Variants in KCNIP4 observed in about 807,000 individuals in gnomAD.
The protein encoded by KCNIP4 is Kv channel-interacting protein 4.
Under a neutral mutation model 34.0 loss-of-function variants are expected in KCNIP4, and 12 were observed. That is an observed-to-expected ratio of 0.35 (90% confidence interval 0.23 to 0.57). The LOEUF (loss-of-function observed/expected upper bound fraction) is 0.57. Among genes scored for constraint, KCNIP4 ranks in the 20% least tolerant of loss-of-function variants. The pLI is 0.83. For synonymous variants in KCNIP4, 124 were observed against 102.2 expected (o/e 1.21, Z -1.29); for missense variants, 238 against 311.7 (o/e 0.76, Z 1.78).
intron 1 of KCNIP4, among the ~76,000 whole-genome samples, chr4:21,545,150 T>C (rs1738030816): frequency 6.6e-6 from 1 of 152,114 alleles, no homozygotes. Context: ...ATTAGCATGT[T>C]AAAAGACACT....
intron 1 of KCNIP4, among the ~76,000 whole-genome samples, chr4:21,877,243 C>T (rs922000764): frequency 2.0e-5 from 3 of 151,992 alleles, no homozygotes; most frequent in Admixed American, 2.0e-4. Context: ...ATCAGAGCTA[C>T]TTGGGAGGCT....
intron 1 of KCNIP4, among the ~76,000 whole-genome samples, chr4:21,420,530 A>G (rs1232014199): frequency 1.3e-5 from 2 of 152,222 alleles, no homozygotes; most frequent in Non-Finnish European, 2.9e-5. Context: ...TCAACATTGC[A>G]TAGATCTTCC....
At chr4:20,806,028 A>G (rs1039775863) in intron 3 of KCNIP4, among the ~76,000 whole-genome samples, 3 of 152,084 alleles carry the variant, frequency 2.0e-5, no homozygotes, top group Non-Finnish European at 4.4e-5. Flanking sequence ...CTATTTCTGA[A>G]TTATGTTTTT....
chr4:20,819,775 C>T (rs1289055530), intron 3 of KCNIP4, among the ~76,000 whole-genome samples: 1 of 152,192 alleles, frequency 6.6e-6, no homozygotes, highest in Non-Finnish European at 1.5e-5. Context: ...CTCTTCCACC[C>T]CTTCTACCAT....
At chr4:21,843,082 T>C (rs1328243573) in intron 1 of KCNIP4, among the ~76,000 whole-genome samples, 2 of 152,112 alleles carry the variant, frequency 1.3e-5, no homozygotes, top group East Asian at 1.9e-4. Flanking sequence ...TCAAATTCTC[T>C]TAAAGAAGGG....
chr4:21,643,393 A>G (rs1223877270), intron 1 of KCNIP4, among the ~76,000 whole-genome samples: 1 of 152,150 alleles, frequency 6.6e-6, no homozygotes, highest in Non-Finnish European at 1.5e-5. Flanking sequence ...AGTATTAATC[A>G]TGTTAAGCAA....
At chr4:20,897,056 A>G (rs1249548020) in intron 1 of KCNIP4, among the ~76,000 whole-genome samples, 1 of 152,128 alleles carries the variant, frequency 6.6e-6, no homozygotes, top group Non-Finnish European at 1.5e-5. Context: ...TACTGCTAGT[A>G]TTAGGTAAAT....
intron 1 of KCNIP4, among the ~76,000 whole-genome samples, chr4:21,718,076 A>G (rs1714524665): frequency 6.6e-6 from 1 of 152,268 alleles, no homozygotes; most frequent in Non-Finnish European, 1.5e-5. Flanking sequence ...ATAAGCATGC[A>G]AACTTTATAA....
chr4:20,755,676 T>TGTTTAAGGTGTTGCA (rs1352323489), intron 4 of KCNIP4, among the ~76,000 whole-genome samples: 1 of 152,050 alleles, frequency 6.6e-6, no homozygotes, highest in Non-Finnish European at 1.5e-5. Flanking sequence ...GGATGGGGAA[T>TGTTTAAGGTGTTGCA]GTTTAAGGTG....
At chr4:21,539,280 G>A (rs957357103) in intron 1 of KCNIP4, among the ~76,000 whole-genome samples, 10 of 152,098 alleles carry the variant, frequency 6.6e-5, no homozygotes, top group African/African-American at 1.2e-4. Context: ...ATGCAATAAG[G>A]CCTCTGAAGT....
intron 1 of KCNIP4, among the ~76,000 whole-genome samples, chr4:21,337,315 GAT>G (rs1716274547): frequency 6.6e-6 from 1 of 152,166 alleles, no homozygotes; most frequent in Non-Finnish European, 1.5e-5. Flanking sequence ...AAATAAGGCA[GAT>G]AGTCATTTTA....
At chr4:21,622,994 G>C (rs1214692359) in intron 1 of KCNIP4, among the ~76,000 whole-genome samples, 2 of 152,156 alleles carry the variant, frequency 1.3e-5, no homozygotes, top group Non-Finnish European at 2.9e-5. Flanking sequence ...CATTCAATAT[G>C]ATGGAGCTTA....
intron 1 of KCNIP4, among the ~76,000 whole-genome samples, chr4:21,384,601 C>G (rs980058750): frequency 6.6e-6 from 1 of 152,198 alleles, no homozygotes; most frequent in South Asian, 2.1e-4. Flanking sequence ...AAGCCTGTGC[C>G]TGTAAGAACA....
intron 1 of KCNIP4, among the ~76,000 whole-genome samples, chr4:21,903,125 T>C (rs1727799015): frequency 6.6e-6 from 1 of 152,192 alleles, no homozygotes; most frequent in Non-Finnish European, 1.5e-5. Context: ...TAAAATGAAA[T>C]TCAGTGTCTC....
At chr4:21,117,594 A>T (rs1294820316) in intron 1 of KCNIP4, among the ~76,000 whole-genome samples, 1 of 152,130 alleles carries the variant, frequency 6.6e-6, no homozygotes, top group African/African-American at 2.4e-5. Flanking sequence ...TCTTTCCCGG[A>T]GAGAGGCAGT....
At chr4:21,203,274 T>G (rs771451795) in intron 1 of KCNIP4, among the ~76,000 whole-genome samples, 21 of 152,218 alleles carry the variant, frequency 1.4e-4, no homozygotes, top group Middle Eastern at 3.4e-3. Context: ...AGGAAGAGAC[T>G]CAGAGTGAAC....
intron 1 of KCNIP4, among the ~76,000 whole-genome samples, chr4:21,087,146 A>ATGTGTGTG (rs34874556): frequency 0.019 from 2,071 of 110,820 alleles, 50 homozygotes; most frequent in East Asian, 0.024. Flanking sequence ...CTGCTGGGTA[A>ATGTGTGTG]TGTGTGTGTG....
intron 7 of KCNIP4, 149 bp downstream of exon 7, chr4:20,732,532 A>G (rs1447083438): frequency 1.5e-6 from 1 of 655,820 alleles, no homozygotes; most frequent in Non-Finnish European, 2.7e-6. Context: ...TCAAAACCAA[A>G]GCTATTAAAT....
At chr4:21,084,170 C>T (rs1362389150) in intron 1 of KCNIP4, among the ~76,000 whole-genome samples, 3 of 151,768 alleles carry the variant, frequency 2.0e-5, no homozygotes, top group African/African-American at 7.3e-5. Context: ...ATGTCAGTGG[C>T]GTGCTAACAC....
Sources: gnomAD v4.1 joint callset for allele counts (sites outside exome capture counted in the v4.1 genomes callset) on GRCh38, gnomAD v4.1.1 for gene constraint, MANE v1.5 for transcripts, NCBI Gene and HGNC (gene_info 2026-07-23, HGNC 2026-07-21) for gene names.